Variants in ACSF2 observed in about 807,000 individuals in gnomAD.
ACSF2 encodes acyl-CoA synthetase family member 2, also known as medium-chain acyl-CoA ligase ACSF2, mitochondrial.
In ACSF2, 52 loss-of-function variants were observed where a neutral mutation model predicts 79.3. That is an observed-to-expected ratio of 0.66 (90% CI 0.53 to 0.83). ACSF2 has a LOEUF of 0.83. Ranked by LOEUF, ACSF2 falls within the 40% of genes least tolerant of loss-of-function variation. The pLI is 0.00. For missense variants in ACSF2, 661 were observed against 803.3 expected (o/e 0.82, Z 2.14); for synonymous variants, 283 against 312.6 (o/e 0.91, Z 1.00).
At chr17:50,472,370 AC>A (rs1322162784) in intron 11 of ACSF2, 57 bp from the exon 12 acceptor site, 2 of 1,572,942 alleles carry the variant, frequency 1.3e-6, no homozygotes, top group Non-Finnish European at 1.7e-6. Context: ...ATTTCCAAGG[AC>A]CACCTATCCT....
chr17:50,432,679 C>T (rs1217758751), intron 1 of ACSF2, among the ~76,000 whole-genome samples: 1 of 152,220 alleles, frequency 6.6e-6, no homozygotes, highest in Non-Finnish European at 1.5e-5. Context: ...TTCTAGCTTA[C>T]AAATCGTGCT....
At chr17:50,456,468 C>T (rs541377554) in intron 1 of ACSF2, among the ~76,000 whole-genome samples, 36 of 152,286 alleles carry the variant, frequency 2.4e-4, no homozygotes, top group Admixed American at 9.8e-4. Context: ...CGCGGTGGCT[C>T]ACACCTGTAA....
Position 50,463,212 on chromosome 17 carries a change from C to A in ACSF2, c.849C>A (p.Asn283Lys), listed in dbSNP as rs746210606. Residue 283 changes from asparagine to lysine, a missense_variant, in exon 7 of 16, where the codon AAC becomes AAA. Transcript: ENST00000300441. This position sits in a 1 kb window ranked among gnomAD's most constrained non-coding sequence, Gnocchi z 4.6. ...ATLSHYNIVN[N>K]SNILGERLKL... is the part of the protein sequence containing the mutation. ...TCTCCCACTACAACATTGTCAACAA[C>A]TCCAACATTTTAGGAGAGCGCCTGA... 2 of 1,614,148 alleles carry A rather than the reference C, an allele frequency of 1.2e-6. No individual in the cohort carries two copies. The highest frequency in any genetic ancestry group is 8.5e-7 in the Non-Finnish European group (1 of 1,180,038).
chr17:50,465,745 G>T, intron 10 of ACSF2: 1 of 1,613,838 alleles, frequency 6.2e-7, no homozygotes, highest in Non-Finnish European at 8.5e-7. Flanking sequence ...ACTTCCAGGG[G>T]TTATTGGTAA....
chr17:50,457,945 G>T (rs2032108849), intron 1 of ACSF2, among the ~76,000 whole-genome samples: 1 of 152,126 alleles, frequency 6.6e-6, no homozygotes, highest in African/African-American at 2.4e-5. Context: ...TAAAAATTCA[G>T]ATTCTCCCGG....
At chr17:50,435,410 T>C (rs2030317731) in intron 1 of ACSF2, among the ~76,000 whole-genome samples, 1 of 141,928 alleles carries the variant, frequency 7.0e-6, no homozygotes, top group South Asian at 2.2e-4. Flanking sequence ...TTTTTAATCC[T>C]TTTTTTTTTT....
rs9674937 is a variant in ACSF2 at position 50,461,674 on chromosome 17, T to C, written c.495T>C (p.Tyr165=). ...NPAYQAMELE[Y]VLKKVGCKAL... ...CCTACCAGGCTATGGAACTGGAGTA[T>C]GTCCTCAAGAAGGTACAGCTCATTT... The change falls in exon 4 of 16, where the codon TAT becomes TAC. Residue 165 remains tyrosine (Y), a synonymous_variant. Coordinates refer to ENST00000300441, the MANE Select transcript of ACSF2 (RefSeq NM_025149.6). 421,966 of 1,613,850 alleles carry C rather than the reference T, an allele frequency of 0.26. 62,708 individuals are homozygous for C. The highest frequency in any genetic ancestry group is 0.63 in the African/African-American group (47,349 of 74,964).
At position 50,471,324 on chromosome 17, in the gene ACSF2, G is replaced by T. The variant is rs1385302949; in HGVS notation, c.1323+189G>T. ...CTGTGGGCTAAGCATGAAAGGGGAA[G>T]AGCTGGAACAGTGGCTGTGAGCGGC... On this transcript the variant is annotated intron_variant, in intron 11 of 15. Transcript: ENST00000300441. This position sits in a 1 kb window ranked among gnomAD's most constrained non-coding sequence, Gnocchi z 4.1. 3 of 575,180 alleles carry T rather than the reference G, an allele frequency of 5.2e-6. No individual in the cohort carries two copies. In the East Asian group the frequency reaches 8.7e-5, roughly 17 times the overall value. The allele number at this position is 575,180 out of a possible 1,614,324, so 35.6% of individuals were successfully genotyped here.
chr17:50,438,699 T>G (rs2030632413), intron 1 of ACSF2, among the ~76,000 whole-genome samples: 1 of 152,074 alleles, frequency 6.6e-6, no homozygotes, highest in Non-Finnish European at 1.5e-5. Context: ...CCCGAGTAGC[T>G]GGGATTATAG....
chr17:50,460,040 A>G (rs1567853580), intron 1 of ACSF2, among the ~76,000 whole-genome samples: 1 of 152,168 alleles, frequency 6.6e-6, no homozygotes, highest in African/African-American at 2.4e-5. Context: ...GCCATTTGGC[A>G]TATAGGGGCT....
chr17:50,438,879 A>G (rs1179653339), intron 1 of ACSF2, among the ~76,000 whole-genome samples: 3 of 152,124 alleles, frequency 2.0e-5, no homozygotes. Context: ...AGTATTTTTC[A>G]ATCTAAGGTT....
intron 10 of ACSF2, chr17:50,465,377 C>T: frequency 1.2e-6 from 2 of 1,614,002 alleles, no homozygotes; most frequent in South Asian, 1.1e-5. Flanking sequence ...GATGTGCTGG[C>T]CCTTGAACTT....
At chr17:50,438,357 T>G (rs774210992) in intron 1 of ACSF2, among the ~76,000 whole-genome samples, 1 of 152,156 alleles carries the variant, frequency 6.6e-6, no homozygotes, top group Non-Finnish European at 1.5e-5. Context: ...AGCAGTGAAA[T>G]TGCTGTGCTG....
chr17:50,439,231 G>GC lies in ACSF2; in HGVS notation c.128+12843dup, dbSNP rs1460834360. On this transcript the variant is annotated intron_variant, in intron 1 of 15. Transcript: ENST00000300441. ...AACGACAGGTGCATGCTACCACACA[G>GC]CTTTTTTTTTTTTTTTTTTTTTTTT... 8.6e-4 allele frequency among the ~76,000 whole-genome samples: 101 copies of GC among 118,014 alleles called. 1 individual carries two copies. Among genetic ancestry groups the GC allele is most frequent in the Admixed American group, 2.6e-3 (30 of 11,328 alleles). The allele number at this position is 118,014 out of a possible 152,430, so 77.4% of individuals were successfully genotyped here.
chr17:50,462,205 T>C lies in ACSF2; in HGVS notation c.529T>C (p.Phe177Leu). ...ACAGGTGGGCTGCAAGGCCCTTGTGTTCCCCAAGCAATTCAAGACCCAGCA... is the reference window on the plus strand; with the variant it reads ...ACAGGTGGGCTGCAAGGCCCTTGTGCTCCCCAAGCAATTCAAGACCCAGCA... ...LKKVGCKALV[F>L]PKQFKTQQYY... is the part of the protein sequence containing the mutation. The change falls in exon 5 of 16, where the codon TTC becomes CTC. Residue 177 changes from phenylalanine to leucine, a missense_variant. Physicochemically the swap from Phe to Leu is conservative, Grantham distance 22 (BLOSUM62 0). Coordinates refer to ENST00000300441, the MANE Select transcript of ACSF2 (RefSeq NM_025149.6). 6.2e-7 allele frequency: 1 copy of C among 1,613,940 alleles called. No individual in the cohort carries two copies. The highest frequency in any genetic ancestry group is 8.5e-7 in the Non-Finnish European group (1 of 1,179,972).
At position 50,460,826 on chromosome 17, in the gene ACSF2, T is replaced by A. The variant is rs1398238772; in HGVS notation, c.278T>A (p.Val93Asp). 1 of 1,611,860 alleles carries A rather than the reference T, an allele frequency of 6.2e-7. No individual in the cohort carries two copies. The highest frequency in any genetic ancestry group is 1.7e-5 in the Admixed American group (1 of 59,760). The change falls in exon 2 of 16, where the codon GTC becomes GAC. Residue 93 changes from valine to aspartate, a missense_variant. Physicochemically the swap from Val to Asp is radical, Grantham distance 152 (BLOSUM62 -3). Transcript: ENST00000300441. ...GTCCCAGAACGAGAGGCCTTGGTCGTCCTCCATGAAGACGTCAGGTTGACC... is the reference window on the plus strand; with the variant it reads ...GTCCCAGAACGAGAGGCCTTGGTCGACCTCCATGAAGACGTCAGGTTGACC... ...QRVPEREALV[V>D]LHEDVRLTFA... is the part of the protein sequence containing the mutation.
chr17:50,454,329 A>C (rs553325580), intron 1 of ACSF2, among the ~76,000 whole-genome samples: 1 of 152,070 alleles, frequency 6.6e-6, no homozygotes, highest in East Asian at 1.9e-4. Context: ...CATTTCTTAC[A>C]TCTGCATATC....
At position 50,471,054 on chromosome 17, in the gene ACSF2, T is replaced by TC; in HGVS notation, c.1245dup (p.Val416ArgfsTer8). The stretch of plus-strand genomic sequence containing the variant: ...TTGCTTATGGAACCACAGAGAACAG[T>TC]CCCGTGACATTCGCGCACTTCCCTG... On this transcript the variant is annotated frameshift_variant, in exon 11 of 16. Coordinates refer to ENST00000300441, the MANE Select transcript of ACSF2 (RefSeq NM_025149.6). LOFTEE classifies it high-confidence loss of function. The surrounding 1 kb of genome is among the most constrained non-coding windows in gnomAD (Gnocchi z 4.1). 6.2e-7 allele frequency: 1 copy of TC among 1,613,598 alleles called. No individual in the cohort carries two copies. Among genetic ancestry groups the TC allele is most frequent in the Non-Finnish European group, 8.5e-7 (1 of 1,179,874 alleles).
chr17:50,472,220 T>C (rs1369458442), intron 11 of ACSF2: 5 of 552,068 alleles, frequency 9.1e-6, no homozygotes, highest in African/African-American at 3.9e-5. Flanking sequence ...AGCTCTTCTT[T>C]CATGCCCAGC....
Sources: gnomAD v4.1 joint callset for allele counts (sites outside exome capture counted in the v4.1 genomes callset) on GRCh38, gnomAD v4.1.1 for gene constraint, Gnocchi (gnomAD v3.1) non-coding constraint, MANE v1.5 for transcripts, NCBI Gene and HGNC (gene_info 2026-07-23, HGNC 2026-07-21) for gene names.